The following CLMN variants were observed in gnomAD, a reference collection of about 807,000 sequenced individuals.
CLMN encodes calmin (calponin-like, transmembrane).
A neutral mutation model predicts 92.7 loss-of-function variants in CLMN; 57 were observed. The ratio of observed to expected loss-of-function variants is 0.61; its 90% CI spans 0.50 to 0.77. The LOEUF is 0.77. Among genes scored for constraint, CLMN ranks in the 30% least tolerant of loss-of-function variants. The probability of loss-of-function intolerance (pLI) is 0.00; values close to 1 mark genes in which losing one functional copy is unlikely to be tolerated. For synonymous variants in CLMN, 466 were observed against 470.6 expected, an observed-to-expected ratio of 0.99 and a Z score of 0.13; for missense variants, 1,158 against 1,237.5, an observed-to-expected ratio of 0.94 and a Z score of 0.96.
At chr14:95,279,481 T>C (rs1160251062) in intron 1 of CLMN, among the ~76,000 whole-genome samples, 1 of 152,152 alleles carries the variant, frequency 6.6e-6, no homozygotes, top group Admixed American at 6.5e-5. Context: ...CCACACCTGG[T>C]ACATAATTAA....
At chr14:95,309,403 G>A (rs1258259599) in intron 1 of CLMN, among the ~76,000 whole-genome samples, 1 of 152,156 alleles carries the variant, frequency 6.6e-6, no homozygotes, top group Non-Finnish European at 1.5e-5. Flanking sequence ...ACAAGGATTA[G>A]AACAGAGATG....
intron 1 of CLMN, among the ~76,000 whole-genome samples, chr14:95,310,890 G>A (rs1336914145): frequency 6.6e-6 from 1 of 152,248 alleles, no homozygotes; most frequent in Non-Finnish European, 1.5e-5. Context: ...AGGAAGGCCA[G>A]GAGAGGTGGG....
At position 95,307,975 on chromosome 14, in the gene CLMN, G is replaced by A. The variant is rs572893887; in HGVS notation, c.82+11736C>T. Reference sequence around the variant, plus strand: ...TGAAGTAGGGGCCCCAGAGGTTTACGTCAGCCTTAAATGACATAATGGGGA... The same window carrying A: ...TGAAGTAGGGGCCCCAGAGGTTTACATCAGCCTTAAATGACATAATGGGGA... On this transcript the variant is annotated intron_variant, in intron 1 of 12. Coordinates refer to ENST00000298912, the MANE Select transcript of CLMN (RefSeq NM_024734.4). Among the ~76,000 whole-genome samples the A allele has an allele frequency of 7.9e-5, 12 of 152,314 alleles. 1 individual carries two copies. The highest frequency in any genetic ancestry group is 7.7e-4 in the East Asian group (4 of 5,180).
At chr14:95,234,719 G>A (rs528852581) in intron 1 of CLMN, among the ~76,000 whole-genome samples, 103 of 152,302 alleles carry the variant, frequency 6.8e-4, no homozygotes, top group Non-Finnish European at 9.9e-4. Context: ...TGGCTCAGCC[G>A]CACCAGCCCA....
chr14:95,224,265 T>TTTTATTTATTTA (rs202079432), intron 2 of CLMN, among the ~76,000 whole-genome samples: 16 of 151,666 alleles, frequency 1.1e-4, no homozygotes, highest in African/African-American at 3.4e-4. Context: ...AAGCCCTTCA[T>TTTTATTTATTTA]TTTATTTATT....
chr14:95,265,889 C>T (rs77414213), intron 1 of CLMN, among the ~76,000 whole-genome samples: 3 of 152,118 alleles, frequency 2.0e-5, no homozygotes, highest in African/African-American at 7.2e-5. Flanking sequence ...AACAGCTCCA[C>T]AACACAATCC....
chr14:95,279,959 A>G (rs748222403), intron 1 of CLMN, among the ~76,000 whole-genome samples: 102 of 147,252 alleles, frequency 6.9e-4, no homozygotes, highest in Non-Finnish European at 1.0e-3. Flanking sequence ...ATAAGGCATC[A>G]GAATATGTTG....
At chr14:95,251,441 C>T (rs1031254649) in intron 1 of CLMN, among the ~76,000 whole-genome samples, 4 of 152,150 alleles carry the variant, frequency 2.6e-5, no homozygotes, top group African/African-American at 9.7e-5. Context: ...TGAATGTCTT[C>T]GATTGTATAA....
rs1165923113 is a variant in CLMN, at chr14:95,259,093, T to C, written c.83-28960A>G. On this transcript the variant is annotated intron_variant, in intron 1 of 12. Coordinates refer to ENST00000298912, the MANE Select transcript of CLMN (RefSeq NM_024734.4). This position sits in a 1 kb window ranked among gnomAD's most constrained non-coding sequence, Gnocchi z 4.3. The stretch of plus-strand genomic sequence containing the variant: ...ATGTGTGATATGTGTTGTGTGTTTA[T>C]GTGTGCTGTGGTGTGCTATGTGCAT... 2.0e-5 allele frequency among the ~76,000 whole-genome samples: 3 copies of C among 151,978 alleles called. No individual in the cohort carries two copies. The highest frequency in any genetic ancestry group is 4.4e-5 in the Non-Finnish European group (3 of 67,980).
chr14:95,229,435 GAGGAATAGA>G (rs1897812819), intron 2 of CLMN, among the ~76,000 whole-genome samples: 1 of 152,164 alleles, frequency 6.6e-6, no homozygotes, highest in Non-Finnish European at 1.5e-5. Context: ...GAAAGAAACA[GAGGAATAGA>G]AGGGCCACTA....
chr14:95,304,688 G>C (rs1156453462), intron 1 of CLMN, among the ~76,000 whole-genome samples: 1 of 151,956 alleles, frequency 6.6e-6, no homozygotes, highest in African/African-American at 2.4e-5. Context: ...ACAGATTGTT[G>C]TACAATCTGT....
intron 1 of CLMN, among the ~76,000 whole-genome samples, chr14:95,291,427 GAC>G (rs1900562489): frequency 6.6e-6 from 1 of 152,224 alleles, no homozygotes; most frequent in South Asian, 2.1e-4. Flanking sequence ...AAAAAACCCA[GAC>G]ACACATCCTC....
At chr14:95,222,658 T>C (rs547234170) in intron 3 of CLMN, 8 of 450,948 alleles carry the variant, frequency 1.8e-5, no homozygotes, top group Non-Finnish European at 3.6e-5. Flanking sequence ...TAGAAGGTAC[T>C]TTTTCAGGAA....
intron 1 of CLMN, among the ~76,000 whole-genome samples, chr14:95,240,001 T>C (rs1898189897): frequency 6.6e-6 from 1 of 152,232 alleles, no homozygotes; most frequent in South Asian, 2.1e-4. Context: ...AAAACACTGT[T>C]GTGTTACAAT....
intron 4 of CLMN, among the ~76,000 whole-genome samples, chr14:95,217,666 G>A (rs150001145): frequency 1.7e-3 from 262 of 152,384 alleles, no homozygotes; most frequent in East Asian, 0.01. Flanking sequence ...GGCTTACTGA[G>A]CACATTCCAG....
chr14:95,202,082 T>A (rs1191195107), intron 9 of CLMN, among the ~76,000 whole-genome samples: 2 of 152,220 alleles, frequency 1.3e-5, no homozygotes, highest in Admixed American at 6.5e-5. Flanking sequence ...TTTATATTCC[T>A]TTGGGCATAT....
chr14:95,273,783 C>G (rs895865179), intron 1 of CLMN, among the ~76,000 whole-genome samples: 40 of 152,306 alleles, frequency 2.6e-4, no homozygotes, highest in African/African-American at 9.6e-4. Flanking sequence ...AGTGTCTCCA[C>G]TTTGTTGACA....
intron 1 of CLMN, among the ~76,000 whole-genome samples, chr14:95,316,960 C>T (rs995896474): frequency 7.2e-5 from 11 of 152,218 alleles, no homozygotes; most frequent in Admixed American, 3.3e-4. Flanking sequence ...CTCCTTCCAT[C>T]GCCACGACAA....
intron 7 of CLMN, among the ~76,000 whole-genome samples, chr14:95,209,988 T>C (rs1375403699): frequency 6.6e-6 from 1 of 152,236 alleles, no homozygotes; most frequent in East Asian, 1.9e-4. Flanking sequence ...CACTGCGGTG[T>C]TGTTATATCT....
Sources: gnomAD v4.1 joint callset for allele counts (sites outside exome capture counted in the v4.1 genomes callset) on GRCh38, gnomAD v4.1.1 for gene constraint, Gnocchi (gnomAD v3.1) non-coding constraint, MANE v1.5 for transcripts, NCBI Gene and HGNC (gene_info 2026-07-23, HGNC 2026-07-21) for gene names.